The following ZNRF3 variants were observed in gnomAD, a reference collection of about 807,000 sequenced individuals.
The protein encoded by ZNRF3 is zinc and ring finger 3, also known as E3 ubiquitin-protein ligase ZNRF3.
ZNRF3 carries 23 observed loss-of-function variants against 72.5 expected under a neutral mutation model. That is an observed-to-expected ratio of 0.32 (90% CI 0.23 to 0.45). The LOEUF (loss-of-function observed/expected upper bound fraction) is 0.45, where lower values mean the gene tolerates loss of function less well. ZNRF3 is among the 20% of genes least tolerant of loss of function. The probability of loss-of-function intolerance (pLI) is 1.00; values close to 1 mark genes in which losing one functional copy is unlikely to be tolerated. For synonymous variants in ZNRF3, 610 were observed against 545.3 expected, an observed-to-expected ratio of 1.12 and a Z score of -1.65; for missense variants, 1,169 against 1,272.1, an observed-to-expected ratio of 0.92 and a Z score of 1.23.
At chr22:28,919,258 C>T (rs2034466861) in intron 1 of ZNRF3, among the ~76,000 whole-genome samples, 1 of 152,248 alleles carries the variant, frequency 6.6e-6, no homozygotes, top group South Asian at 2.1e-4. Flanking sequence ...TCTTATTACA[C>T]TACTTCCTAT....
chr22:29,034,654 C>T (rs2036831379), intron 2 of ZNRF3, among the ~76,000 whole-genome samples: 1 of 152,200 alleles, frequency 6.6e-6, no homozygotes, highest in East Asian at 1.9e-4. Flanking sequence ...AAATCATTCC[C>T]TTAGTAGATG....
chr22:28,889,395 T>G (rs2123742490), intron 1 of ZNRF3, among the ~76,000 whole-genome samples: 2 of 152,292 alleles, frequency 1.3e-5, no homozygotes, highest in South Asian at 4.1e-4. Context: ...AACTCTAATC[T>G]AGTAGAGCAT....
At chr22:29,027,110 T>C (rs1459384912) in intron 2 of ZNRF3, 1 of 152,162 alleles carries the variant, frequency 6.6e-6, no homozygotes, top group Non-Finnish European at 1.5e-5. Flanking sequence ...TGGTCTGTGG[T>C]TACGCATCTT....
intron 2 of ZNRF3, among the ~76,000 whole-genome samples, chr22:29,009,938 G>A (rs866870411): frequency 4.8e-5 from 6 of 124,852 alleles, no homozygotes; most frequent in Admixed American, 1.0e-4. Flanking sequence ...ACAGTGTCTC[G>A]CTCTGTTTCC....
intron 1 of ZNRF3, among the ~76,000 whole-genome samples, chr22:28,964,279 A>G (rs2035419750): frequency 6.6e-6 from 1 of 152,194 alleles, no homozygotes; most frequent in South Asian, 2.1e-4. Context: ...AGACACAAAA[A>G]AGTATATTCA....
chr22:28,977,560 G>C (rs1168915659), intron 1 of ZNRF3, among the ~76,000 whole-genome samples: 2 of 152,160 alleles, frequency 1.3e-5, no homozygotes, highest in African/African-American at 2.4e-5. Flanking sequence ...GTGAGACTCT[G>C]TACCACAGCG....
At chr22:28,969,056 T>C (rs1397409015) in intron 1 of ZNRF3, among the ~76,000 whole-genome samples, 3 of 152,182 alleles carry the variant, frequency 2.0e-5, no homozygotes, top group Non-Finnish European at 4.4e-5. Context: ...TGTACATGCT[T>C]CTTCGTAACA....
At position 29,044,883 on chromosome 22, in the gene ZNRF3, G is replaced by C; in HGVS notation, c.737G>C (p.Arg246Pro). 2 of 1,612,906 alleles carry C rather than the reference G, an allele frequency of 1.2e-6. No individual in the cohort carries two copies. The highest frequency in any genetic ancestry group is 1.7e-6 in the Non-Finnish European group (2 of 1,179,054). Reference sequence around the variant, plus strand: ...GTCAAAATCAAGCTGAAGCAGCGACGCAGTCAGGTAGTGCCTCTGTGTGTA... The same window carrying C: ...GTCAAAATCAAGCTGAAGCAGCGACCCAGTCAGGTAGTGCCTCTGTGTGTA... ...LLVKIKLKQR[R>P]SQNSMNRLAV... The change falls in exon 5 of 9, where the codon CGC becomes CCC. Residue 246 changes from arginine to proline, a missense_variant. Arg to Pro is a moderately radical substitution (Grantham distance 103). This residue lies in a region of ZNRF3 where 386 missense variants were observed against 540.7 expected (regional missense o/e 0.71). Transcript: ENST00000544604.
chr22:28,921,456 G>A (rs1047691648), intron 1 of ZNRF3, among the ~76,000 whole-genome samples: 1 of 152,134 alleles, frequency 6.6e-6, no homozygotes, highest in Non-Finnish European at 1.5e-5. Context: ...GGGCTCCTCC[G>A]AATGAGCTTT....
intron 1 of ZNRF3, among the ~76,000 whole-genome samples, chr22:28,983,591 G>A (rs1023312006): frequency 1.3e-5 from 2 of 152,080 alleles, no homozygotes; most frequent in Non-Finnish European, 2.9e-5. Flanking sequence ...AGCTGCCCTC[G>A]ACTGTCCCTC....
chr22:29,050,142 CG>C lies in ZNRF3; in HGVS notation c.1966del (p.Asp656IlefsTer10). On this transcript the variant is annotated frameshift_variant, in exon 8 of 9. Transcript: ENST00000544604. LOFTEE classifies it high-confidence loss of function. Reference sequence around the variant, plus strand: ...CCTTGGCCGGGCCCTGCCTCTCCCTCGGGGGATCAGGTGTCCACCTGCAGCC... The same window carrying C: ...CCTTGGCCGGGCCCTGCCTCTCCCTCGGGGATCAGGTGTCCACCTGCAGCC... ...GEPWPGPASP[S>X]GDQVSTCSLE... 6.2e-7 allele frequency: 1 copy of C among 1,605,298 alleles called. No individual in the cohort carries two copies. The highest frequency in any genetic ancestry group is 8.5e-7 in the Non-Finnish European group (1 of 1,179,838).
At chr22:28,964,647 A>C (rs901943584) in intron 1 of ZNRF3, among the ~76,000 whole-genome samples, 3 of 152,218 alleles carry the variant, frequency 2.0e-5, no homozygotes, top group Non-Finnish European at 4.4e-5. Flanking sequence ...GGCTGTCGTG[A>C]GACAGTGTCT....
intron 2 of ZNRF3, among the ~76,000 whole-genome samples, chr22:29,035,332 C>A (rs912511013): frequency 1.3e-5 from 2 of 152,078 alleles, no homozygotes; most frequent in Non-Finnish European, 2.9e-5. Flanking sequence ...AATATGAGTA[C>A]AAGGATATGA....
At chr22:29,047,061 A>G (rs2037087078) in intron 6 of ZNRF3, among the ~76,000 whole-genome samples, 178 bp downstream of exon 6, 1 of 152,194 alleles carries the variant, frequency 6.6e-6, no homozygotes, top group Non-Finnish European at 1.5e-5. Flanking sequence ...ACTTACAAAG[A>G]GACAAGGGAT....
intron 2 of ZNRF3, among the ~76,000 whole-genome samples, chr22:29,012,646 G>A (rs1425850897): frequency 6.6e-6 from 1 of 152,152 alleles, no homozygotes; most frequent in Non-Finnish European, 1.5e-5. Context: ...TGTAGGAAGG[G>A]CCCCCATCGA....
rs1466740126 is a variant in ZNRF3 at position 28,984,136 on chromosome 22, AAAAC to A, written c.301-2939_301-2936del. 2.0e-5 allele frequency among the ~76,000 whole-genome samples: 3 copies of A among 152,138 alleles called. No homozygotes were observed. The East Asian group carries it at 5.8e-4, about 29-fold the overall frequency. ...AGTTGCTTGTTTTTTTTTTTTAAAA[AAAAC>A]CTTTTAATTGTGAAATTCATATAAA... On this transcript the variant is annotated intron_variant, in intron 1 of 8. Transcript: ENST00000544604.
At chr22:28,993,229 C>CAAAA (rs2035987871) in intron 2 of ZNRF3, among the ~76,000 whole-genome samples, 1 of 152,188 alleles carries the variant, frequency 6.6e-6, no homozygotes, top group Non-Finnish European at 1.5e-5. Flanking sequence ...CCCAGTGGAA[C>CAAAA]CAGGCATCTG....
chr22:28,887,084 G>T (rs2033801839), intron 1 of ZNRF3, among the ~76,000 whole-genome samples: 2 of 152,160 alleles, frequency 1.3e-5, no homozygotes, highest in South Asian at 4.2e-4. Flanking sequence ...TTTCCACTGG[G>T]GTTCTGTAGC....
At chr22:28,944,422 A>ACCATCCTGGCTAACATGG (rs1338875755) in intron 1 of ZNRF3, among the ~76,000 whole-genome samples, 3 of 151,964 alleles carry the variant, frequency 2.0e-5, no homozygotes, top group Non-Finnish European at 2.9e-5. Flanking sequence ...GGAGATTGAG[A>ACCATCCTGGCTAACATGG]CCATCCTGGC....
Sources: allele counts gnomAD v4.1 joint callset (sites outside exome capture counted in the v4.1 genomes callset), GRCh38; gene constraint gnomAD v4.1.1; regional missense constraint gnomAD v4.1.1; transcripts MANE v1.5; gene names NCBI Gene and HGNC (gene_info 2026-07-23, HGNC 2026-07-21).